Variants in GALNTL6 observed in about 807,000 individuals in gnomAD.
GALNTL6 encodes the protein polypeptide N-acetylgalactosaminyltransferase-like 6.
GALNTL6 carries 46 observed loss-of-function variants against 73.7 expected under a neutral mutation model. That is an observed-to-expected ratio of 0.62 (90% CI 0.49 to 0.80). The LOEUF (loss-of-function observed/expected upper bound fraction) is 0.80. Among genes scored for constraint, GALNTL6 ranks in the 30% least tolerant of loss-of-function variants. The pLI is 0.00. For missense variants in GALNTL6, 604 were observed against 755.0 expected, an observed-to-expected ratio of 0.80 and a Z score of 2.34; for synonymous variants, 259 against 263.7, an observed-to-expected ratio of 0.98 and a Z score of 0.17.
Position 172,896,298 on chromosome 4 carries a change from A to G in GALNTL6, c.1041+13391A>G, listed in dbSNP as rs138704214. Among the ~76,000 whole-genome samples, 1,264 of 152,280 alleles carry G rather than the reference A, an allele frequency of 8.3e-3. 10 individuals carry two copies. The highest frequency in any genetic ancestry group is 0.025 in the African/African-American group (1,020 of 41,560). ...CTTTTCAGAGATTCTAAGCAAACTG[A>G]CTATTATGTTTCCTGAGTCCAGCTA... On this transcript the variant is annotated intron_variant, in intron 8 of 12. Coordinates refer to ENST00000506823, the MANE Select transcript of GALNTL6 (RefSeq NM_001034845.3).
At chr4:172,120,107 T>C (rs1183256190) in intron 2 of GALNTL6, among the ~76,000 whole-genome samples, 1 of 152,228 alleles carries the variant, frequency 6.6e-6, no homozygotes, top group African/African-American at 2.4e-5. Context: ...TTTTTCCCAG[T>C]TCTGTACACC....
intron 12 of GALNTL6, among the ~76,000 whole-genome samples, chr4:173,022,517 A>G (rs1321307235): frequency 3.9e-5 from 6 of 152,190 alleles, no homozygotes; most frequent in Non-Finnish European, 8.8e-5. Flanking sequence ...ACACATACAC[A>G]CAGATTGTGG....
intron 11 of GALNTL6, among the ~76,000 whole-genome samples, chr4:173,020,169 T>C (rs1322089182): frequency 6.6e-6 from 1 of 152,248 alleles, no homozygotes; most frequent in Non-Finnish European, 1.5e-5. Context: ...TCTCCTACTG[T>C]ACCTTTCAAA....
intron 5 of GALNTL6, among the ~76,000 whole-genome samples, chr4:172,799,427 A>G (rs1445911741): frequency 6.6e-6 from 1 of 152,148 alleles, no homozygotes; most frequent in East Asian, 1.9e-4. Flanking sequence ...GATAGCTACT[A>G]TGTTCTATAT....
At chr4:172,258,342 C>T (rs1738152713) in intron 3 of GALNTL6, among the ~76,000 whole-genome samples, 1 of 151,190 alleles carries the variant, frequency 6.6e-6, no homozygotes, top group Admixed American at 6.6e-5. Context: ...TCTTTGCATT[C>T]TGAAGTTGCA....
intron 2 of GALNTL6, among the ~76,000 whole-genome samples, chr4:171,931,007 T>C (rs1385580858): frequency 3.3e-5 from 5 of 152,230 alleles, no homozygotes; most frequent in Non-Finnish European, 7.3e-5. Context: ...TGGGAATCTC[T>C]TGAGAAATGC....
At chr4:172,697,522 A>G (rs1733768093) in intron 5 of GALNTL6, among the ~76,000 whole-genome samples, 1 of 152,226 alleles carries the variant, frequency 6.6e-6, no homozygotes, top group Non-Finnish European at 1.5e-5. Flanking sequence ...AAGGAAAATC[A>G]AAGTTACCAA....
rs201464822 is a variant in GALNTL6, at chr4:173,021,507, G to A, written c.1520G>A (p.Arg507Gln). Reference protein sequence around the residue: ...LFTFGWREDIRPGEPLHTRKF... With the variant: ...LFTFGWREDIQPGEPLHTRKF... The stretch of plus-strand genomic sequence containing the variant: ...ACCTTTGGATGGAGAGAAGATATTC[G>A]ACCCGGTGAGCCACTGCATACCCGG... The change falls in exon 12 of 13, where the codon CGA becomes CAA. Residue 507 changes from arginine to glutamine, a missense_variant. By Grantham distance (43) the Arg-to-Gln change is conservative. Coordinates refer to ENST00000506823, the MANE Select transcript of GALNTL6 (RefSeq NM_001034845.3). The A allele has an allele frequency of 1.4e-4, 219 of 1,614,014 alleles. 1 individual carries two copies. The highest frequency in any genetic ancestry group is 6.1e-4 in the South Asian group (56 of 91,060).
In GALNTL6 at chr4:172,754,583, T is replaced by TA. The variant is rs886743031; in HGVS notation, c.554-54770dup. Among the ~76,000 whole-genome samples, 143 of 151,442 alleles carry TA rather than the reference T, an allele frequency of 9.4e-4. 1 individual carries two copies. Among genetic ancestry groups the TA allele is most frequent in the South Asian group, 1.7e-3 (8 of 4,770 alleles). On this transcript the variant is annotated intron_variant, in intron 5 of 12. Transcript: ENST00000506823. ...GAAAAACTCCATCTCGAAAATAAATTAAAAAAAACAGATTTTGATCTTGGT... is the reference window on the plus strand; with the variant it reads ...GAAAAACTCCATCTCGAAAATAAATTAAAAAAAAACAGATTTTGATCTTGGT...
At chr4:172,345,021 G>T (rs770718240) in intron 4 of GALNTL6, among the ~76,000 whole-genome samples, 9 of 151,278 alleles carry the variant, frequency 5.9e-5, no homozygotes, top group Admixed American at 5.9e-4. Context: ...GCTATTATTA[G>T]ATATGATGCT....
rs143707822 is a variant in GALNTL6 at position 171,849,877 on chromosome 4, A to C, written c.138+35159A>C. ...AACCATACAAATTTAACTGGTTATG[A>C]GACAAGCTATGAATATTAATGAAGG... On this transcript the variant is annotated intron_variant, in intron 2 of 12. Coordinates refer to ENST00000506823, the MANE Select transcript of GALNTL6 (RefSeq NM_001034845.3). Among the ~76,000 whole-genome samples, 254 of 152,314 alleles carry C rather than the reference A, an allele frequency of 1.7e-3. 3 individuals are homozygous for C. Among genetic ancestry groups the C allele is most frequent in the African/African-American group, 5.8e-3 (240 of 41,576 alleles).
At chr4:172,918,342 A>G (rs182104074) in intron 8 of GALNTL6, among the ~76,000 whole-genome samples, 1 of 152,150 alleles carries the variant, frequency 6.6e-6, no homozygotes, top group Non-Finnish European at 1.5e-5. Flanking sequence ...CATATGTAAC[A>G]AACTTCCACA....
At chr4:173,032,819 A>ATTT (rs111952863) in intron 12 of GALNTL6, among the ~76,000 whole-genome samples, 3,502 of 149,194 alleles carry the variant, frequency 0.023, 69 homozygotes, top group Non-Finnish European at 0.032. Flanking sequence ...ATCAGGATTG[A>ATTT]TTTTTTTTTT....
chr4:172,723,539 CT>C lies in GALNTL6; in HGVS notation c.554-85815del, dbSNP rs1458405138. Among the ~76,000 whole-genome samples the C allele has an allele frequency of 3.9e-5, 6 of 152,032 alleles. 1 individual carries two copies. The South Asian group carries it at 1.0e-3, about 26-fold the overall frequency. The stretch of plus-strand genomic sequence containing the variant: ...TACTATTGTTTTAGTTGATCTTTAT[CT>C]TTTTTTATACTGTCCTAGCACACTT... On this transcript the variant is annotated intron_variant, in intron 5 of 12. Coordinates refer to ENST00000506823, the MANE Select transcript of GALNTL6 (RefSeq NM_001034845.3).
intron 2 of GALNTL6, among the ~76,000 whole-genome samples, chr4:172,019,979 A>G (rs1372812115): frequency 6.6e-6 from 1 of 152,194 alleles, no homozygotes; most frequent in Non-Finnish European, 1.5e-5. Context: ...TTTTCTGATC[A>G]TAATGTAATA....
At chr4:172,005,447 A>C (rs1740813854) in intron 2 of GALNTL6, among the ~76,000 whole-genome samples, 1 of 152,160 alleles carries the variant, frequency 6.6e-6, no homozygotes, top group Admixed American at 6.6e-5. Context: ...TCAAAGAAAC[A>C]CTTTTTACAA....
chr4:171,987,613 C>T (rs1192091807), intron 2 of GALNTL6, among the ~76,000 whole-genome samples: 3 of 152,078 alleles, frequency 2.0e-5, no homozygotes, highest in Admixed American at 6.5e-5. Context: ...TGAATAATCC[C>T]TGAGGAGTAG....
chr4:171,838,666 C>T (rs775694006), intron 2 of GALNTL6, among the ~76,000 whole-genome samples: 23 of 152,202 alleles, frequency 1.5e-4, no homozygotes, highest in Non-Finnish European at 2.5e-4. Context: ...TTTTTCATAT[C>T]TCCGTTGAGA....
At chr4:172,636,212 TAGTC>T (rs1447446165) in intron 5 of GALNTL6, among the ~76,000 whole-genome samples, 1 of 152,192 alleles carries the variant, frequency 6.6e-6, no homozygotes, top group African/African-American at 2.4e-5. Context: ...TAATGGTCAT[TAGTC>T]TGATGTCAGA....
Sources: gnomAD v4.1 joint callset for allele counts (sites outside exome capture counted in the v4.1 genomes callset) on GRCh38, gnomAD v4.1.1 for gene constraint, MANE v1.5 for transcripts, NCBI Gene and HGNC (gene_info 2026-07-23, HGNC 2026-07-21) for gene names.